Variants in SMC1B observed in about 807,000 individuals in gnomAD.
SMC1B encodes the protein structural maintenance of chromosomes protein 1B.
SMC1B carries 60 observed loss-of-function variants against 157.9 expected under a neutral mutation model. That is an observed-to-expected ratio of 0.38 (90% CI 0.31 to 0.47). The LOEUF (loss-of-function observed/expected upper bound fraction) is 0.47. Ranked by LOEUF, SMC1B falls within the 20% of genes least tolerant of loss-of-function variation. The pLI is 0.99. For missense variants in SMC1B, 1,165 were observed against 1,426.2 expected, an observed-to-expected ratio of 0.82 and a Z score of 2.95; for synonymous variants, 445 against 483.0, an observed-to-expected ratio of 0.92 and a Z score of 1.03.
intron 8 of SMC1B, 70 bp downstream of exon 8, chr22:45,394,615 G>T: frequency 7.1e-7 from 1 of 1,398,828 alleles, no homozygotes; most frequent in Non-Finnish European, 9.3e-7. Flanking sequence ...TGGCCTGGGC[G>T]ATGGGAGTGA....
intron 19 of SMC1B, 141 bp from the exon 20 acceptor site, chr22:45,355,256 G>T: frequency 1.3e-6 from 1 of 756,212 alleles, no homozygotes. Context: ...TCTGAGCCTG[G>T]AGGTGCAGTC....
intron 9 of SMC1B, among the ~76,000 whole-genome samples, chr22:45,391,554 G>C (rs2087059156): frequency 6.6e-6 from 1 of 152,156 alleles, no homozygotes; most frequent in South Asian, 2.1e-4. Context: ...TGTTTAATGT[G>C]AGTAGCTCTG....
intron 9 of SMC1B, 83 bp from the exon 10 acceptor site, chr22:45,389,980 A>G: frequency 8.5e-7 from 1 of 1,181,112 alleles, no homozygotes; most frequent in Non-Finnish European, 1.2e-6. Context: ...GTAACAAAGT[A>G]GCGCAGACAA....
At position 45,389,767 on chromosome 22, in the gene SMC1B, A is replaced by T; in HGVS notation, c.1676T>A (p.Phe559Tyr). 6.2e-7 allele frequency: 1 copy of T among 1,614,148 alleles called. No homozygotes were observed. Among genetic ancestry groups the T allele is most frequent in the Non-Finnish European group, 8.5e-7 (1 of 1,180,012 alleles). Residue 559 changes from phenylalanine (F) to tyrosine (Y), a missense_variant, in exon 10 of 25, where the codon TTT becomes TAT. Phe to Tyr is a conservative substitution (Grantham distance 22). Transcript: ENST00000357450. ...SEKVAKDCIR[F>Y]LKEERAEPET... ...AGGTTCAGCTCTTTCCTCCTTCAGA[A>T]ATCGAATACAATCTTTTGCTACCTT...
intron 22 of SMC1B, among the ~76,000 whole-genome samples, chr22:45,350,991 C>T (rs1476885913): frequency 6.6e-6 from 1 of 152,160 alleles, no homozygotes; most frequent in Non-Finnish European, 1.5e-5. Flanking sequence ...TTGCTGATGT[C>T]TAAGAATATT....
intron 12 of SMC1B, among the ~76,000 whole-genome samples, chr22:45,381,441 G>C (rs2086935885): frequency 6.6e-6 from 1 of 152,064 alleles, no homozygotes; most frequent in African/African-American, 2.4e-5. Flanking sequence ...TCAGGAATAG[G>C]GAGGCCACAA....
intron 2 of SMC1B, among the ~76,000 whole-genome samples, 159 bp from the exon 3 acceptor site, chr22:45,407,024 G>A (rs2087269997): frequency 6.6e-6 from 1 of 152,136 alleles, no homozygotes; most frequent in African/African-American, 2.4e-5. Context: ...CAAATATTGA[G>A]TGTCTATTAC....
intron 17 of SMC1B, among the ~76,000 whole-genome samples, chr22:45,360,781 C>T (rs192024002): frequency 9.8e-5 from 15 of 152,304 alleles, no homozygotes; most frequent in Admixed American, 1.3e-4. Flanking sequence ...CGAAGGTCTT[C>T]GAACAGTGAG....
intron 14 of SMC1B, 51 bp from the exon 15 acceptor site, chr22:45,370,111 T>C (rs776612189): frequency 3.8e-6 from 4 of 1,051,016 alleles, no homozygotes; most frequent in South Asian, 1.7e-5. Flanking sequence ...TTAAGAAATA[T>C]ATAATCTTAA....
intron 4 of SMC1B, among the ~76,000 whole-genome samples, chr22:45,404,418 G>A (rs2087233713): frequency 6.6e-6 from 1 of 152,198 alleles, no homozygotes. Context: ...TCTACATTCT[G>A]TAGAGAATCC....
At chr22:45,401,117 T>G in intron 5 of SMC1B, among the ~76,000 whole-genome samples, 1 of 152,354 alleles carries the variant, frequency 6.6e-6, no homozygotes, top group South Asian at 2.1e-4. Flanking sequence ...TTAGTTAATG[T>G]ATCAATATTA....
At chr22:45,351,838 T>C (rs894680294) in intron 22 of SMC1B, among the ~76,000 whole-genome samples, 2 of 152,232 alleles carry the variant, frequency 1.3e-5, no homozygotes, top group Non-Finnish European at 2.9e-5. Flanking sequence ...TGTAGATAAC[T>C]TTTTGTTTCT....
chr22:45,349,142 G>A (rs1338552181), intron 23 of SMC1B, among the ~76,000 whole-genome samples: 1 of 149,634 alleles, frequency 6.7e-6, no homozygotes, highest in African/African-American at 2.5e-5. Context: ...AGCCTCCCAA[G>A]TAGCTGGGAT....
chr22:45,383,243 C>T (rs2086955127), intron 12 of SMC1B, among the ~76,000 whole-genome samples: 2 of 151,936 alleles, frequency 1.3e-5, no homozygotes, highest in Non-Finnish European at 1.5e-5. Flanking sequence ...CTTGCACACA[C>T]AAAGAAAATT....
intron 21 of SMC1B, among the ~76,000 whole-genome samples, chr22:45,353,261 C>CAAAAA (rs11311805): frequency 9.7e-6 from 1 of 102,592 alleles, no homozygotes; most frequent in African/African-American, 3.6e-5. Flanking sequence ...AACTCTGTCT[C>CAAAAA]AAAAAAAAAA....
intron 17 of SMC1B, 77 bp from the exon 18 acceptor site, chr22:45,360,035 A>G (rs1354131011): frequency 8.0e-6 from 9 of 1,118,716 alleles, no homozygotes; most frequent in South Asian, 1.5e-5. Flanking sequence ...TGTATGCTAT[A>G]AACTTTTATG....
In SMC1B at chr22:45,393,041, T is replaced by C. The variant is rs1169593344; in HGVS notation, c.1545+593A>G. Among the ~76,000 whole-genome samples the C allele has an allele frequency of 6.6e-5, 10 of 152,098 alleles. 1 individual carries two copies. Among genetic ancestry groups the C allele is most frequent in the Admixed American group, 4.6e-4 (7 of 15,268 alleles). On this transcript the variant is annotated intron_variant, in intron 9 of 24. Transcript: ENST00000357450. ...CAGAGCAGTGGTTACCAGTCTCAAA[T>C]GCTGAAAACAGGCCATATCATAAAA...
At chr22:45,355,773 A>T (rs1328000324) in intron 19 of SMC1B, among the ~76,000 whole-genome samples, 3 of 152,186 alleles carry the variant, frequency 2.0e-5, no homozygotes, top group African/African-American at 4.8e-5. Context: ...AAATACAATC[A>T]GAGTACAAAA....
chr22:45,388,013 CAAGGGTGAG>C (rs2087008665), intron 10 of SMC1B, among the ~76,000 whole-genome samples: 1 of 146,870 alleles, frequency 6.8e-6, no homozygotes, highest in African/African-American at 2.6e-5. Flanking sequence ...GCCTGGGTAA[CAAGGGTGAG>C]CCTCTGTCAA....
Sources: gnomAD v4.1 joint callset for allele counts (sites outside exome capture counted in the v4.1 genomes callset) on GRCh38, gnomAD v4.1.1 for gene constraint, MANE v1.5 for transcripts, NCBI Gene and HGNC (gene_info 2026-07-23, HGNC 2026-07-21) for gene names.